PDE1C: variants seen among roughly 807,000 people sequenced by gnomAD.
PDE1C encodes dual specificity calcium/calmodulin-dependent 3',5'-cyclic nucleotide phosphodiesterase 1C.
Under a neutral mutation model 93.1 loss-of-function variants are expected in PDE1C, and 62 were observed. That is an observed-to-expected ratio of 0.67 (90% CI 0.54 to 0.82). PDE1C has a LOEUF of 0.82. Ranked by LOEUF, PDE1C falls within the 40% of genes least tolerant of loss-of-function variation. PDE1C has a pLI of 0.00. For synonymous variants in PDE1C, 325 were observed against 310.1 expected (o/e 1.05, Z -0.50); for missense variants, 742 against 884.6 (o/e 0.84, Z 2.04).
At chr7:32,303,793 A>G (rs1812935564), upstream of PDE1C, among the ~76,000 whole-genome samples, 1 of 152,102 alleles carries the variant, frequency 6.6e-6, no homozygotes, top group South Asian at 2.1e-4. Flanking sequence ...TTGAGTTTAC[A>G]TATTATTCAT....
chr7:31,637,566 C>G, the PDE1C span, among the ~76,000 whole-genome samples: 1 of 152,062 alleles, frequency 6.6e-6, no homozygotes, highest in African/African-American at 2.4e-5. Context: ...TATCCTTTAC[C>G]CACTTTTTGA....
intron 1 of PDE1C, among the ~76,000 whole-genome samples, chr7:32,376,093 G>C (rs1000693210): frequency 2.0e-5 from 3 of 152,062 alleles, no homozygotes; most frequent in Non-Finnish European, 4.4e-5. Flanking sequence ...GGAGGCAGAA[G>C]TTGCAGTGAG....
chr7:32,025,379 G>A (rs1454132648), intron 2 of PDE1C, among the ~76,000 whole-genome samples: 1 of 152,028 alleles, frequency 6.6e-6, no homozygotes, highest in Non-Finnish European at 1.5e-5. Flanking sequence ...TGGGAGTTGA[G>A]GGTAGGGGGA....
At chr7:32,033,110 G>C (rs1032209887) in intron 2 of PDE1C, among the ~76,000 whole-genome samples, 3 of 152,096 alleles carry the variant, frequency 2.0e-5, no homozygotes, top group African/African-American at 7.2e-5. Flanking sequence ...TGAATCCCCA[G>C]GCAGGGCAAG....
the PDE1C span, among the ~76,000 whole-genome samples, chr7:31,664,147 A>G: frequency 6.6e-6 from 1 of 152,158 alleles, no homozygotes; most frequent in African/African-American, 2.4e-5. Context: ...CAGTATAACC[A>G]TGGCCAGCTC....
chr7:31,863,410 A>G (rs1184715407), intron 7 of PDE1C, among the ~76,000 whole-genome samples: 1 of 152,174 alleles, frequency 6.6e-6, no homozygotes, highest in Non-Finnish European at 1.5e-5. Flanking sequence ...TGCATACTGC[A>G]TTCTTGAGGC....
At chr7:31,838,093 T>C (rs1791354220) in intron 9 of PDE1C, 122 bp from the exon 10 acceptor site, 1 of 693,842 alleles carries the variant, frequency 1.4e-6, no homozygotes. Context: ...TCTAATCTAA[T>C]TTGGGTCTTT....
chr7:31,752,225 A>G lies in PDE1C; in HGVS notation c.*1159T>C, dbSNP rs1458672799. Reference sequence around the variant, plus strand: ...ACTGCACCAGGCTATTTCTGAAGAGATTGAAAGCTATCTCTAGTCTTGAGC... The same window carrying G: ...ACTGCACCAGGCTATTTCTGAAGAGGTTGAAAGCTATCTCTAGTCTTGAGC... On this transcript the variant is annotated 3_prime_UTR_variant, in exon 18 of 18. Transcript: ENST00000396191. 1.3e-5 allele frequency: 2 copies of G among 152,178 alleles called. No homozygotes were observed. The highest frequency in any genetic ancestry group is 4.8e-5 in the African/African-American group (2 of 41,456). 9.4% of individuals were successfully genotyped at this position (152,178 alleles called of 1,614,324 possible).
chr7:31,749,720 G>T (rs1794080769), downstream of PDE1C, among the ~76,000 whole-genome samples: 1 of 149,470 alleles, frequency 6.7e-6, no homozygotes, highest in African/African-American at 2.4e-5. Flanking sequence ...GATATTTTGT[G>T]GTCGCTGTTG....
intron 16 of PDE1C, among the ~76,000 whole-genome samples, chr7:31,802,942 A>C (rs928861915): frequency 6.6e-6 from 1 of 151,558 alleles, no homozygotes; most frequent in African/African-American, 2.4e-5. Flanking sequence ...GAATCTGTGG[A>C]TTTATAGTTT....
intron 2 of PDE1C, among the ~76,000 whole-genome samples, chr7:31,977,085 G>C (rs35740366): frequency 0.14 from 22,001 of 152,212 alleles, 1,799 homozygotes; most frequent in South Asian, 0.19. Flanking sequence ...TATTACTCTA[G>C]ATATCTGCTA....
intron 16 of PDE1C, among the ~76,000 whole-genome samples, chr7:31,808,030 G>A (rs755795402): frequency 6.6e-6 from 1 of 151,918 alleles, no homozygotes; most frequent in African/African-American, 2.4e-5. Context: ...GTTTGAGAAC[G>A]GTTTTCATGC....
the PDE1C span, among the ~76,000 whole-genome samples, chr7:31,665,039 C>G: frequency 5.3e-5 from 8 of 152,294 alleles, no homozygotes; most frequent in African/African-American, 1.9e-4. Flanking sequence ...CCTGACCTTG[C>G]ATAGCTCTCT....
At chr7:32,080,739 G>C (rs1442395741) in intron 3 of PDE1C, among the ~76,000 whole-genome samples, 4 of 152,196 alleles carry the variant, frequency 2.6e-5, no homozygotes, top group Admixed American at 6.5e-5. Context: ...GCTGGTCCCT[G>C]TGATTCTCAG....
At chr7:32,010,569 C>T (rs1301933244) in intron 2 of PDE1C, among the ~76,000 whole-genome samples, 1 of 152,200 alleles carries the variant, frequency 6.6e-6, no homozygotes, top group African/African-American at 2.4e-5. Context: ...GAGAAAATCT[C>T]TGTGACACTA....
the PDE1C span, among the ~76,000 whole-genome samples, chr7:31,690,485 A>G: frequency 6.6e-6 from 1 of 152,220 alleles, no homozygotes; most frequent in African/African-American, 2.4e-5. Context: ...TAGCAGACTT[A>G]ACTTGTGTGG....
intron 2 of PDE1C, among the ~76,000 whole-genome samples, chr7:32,171,142 TGTGG>T: frequency 6.6e-6 from 1 of 152,348 alleles, no homozygotes; most frequent in East Asian, 1.9e-4. Flanking sequence ...TCCTGGGAAC[TGTGG>T]GTAATAAATT....
intron 2 of PDE1C, among the ~76,000 whole-genome samples, chr7:32,021,493 A>T (rs1416035488): frequency 2.0e-5 from 3 of 152,136 alleles, no homozygotes; most frequent in Admixed American, 6.6e-5. Flanking sequence ...TTTATCATTT[A>T]TCAAACTCCT....
intron 2 of PDE1C, among the ~76,000 whole-genome samples, chr7:31,982,367 T>C (rs1812500114): frequency 6.6e-6 from 1 of 152,230 alleles, no homozygotes; most frequent in Admixed American, 6.5e-5. Flanking sequence ...TAAGTAGCAA[T>C]GGTTAAGTTA....
Sources: allele counts gnomAD v4.1 joint callset (sites outside exome capture counted in the v4.1 genomes callset), GRCh38; gene constraint gnomAD v4.1.1; transcripts MANE v1.5; gene names NCBI Gene and HGNC (gene_info 2026-07-23, HGNC 2026-07-21).